Variants in DOCK10 observed in about 807,000 individuals in gnomAD.
The protein encoded by DOCK10 is dedicator of cytokinesis protein 10.
A neutral mutation model predicts 280.1 loss-of-function variants in DOCK10; 145 were observed. That is an observed-to-expected ratio of 0.52 (90% CI 0.45 to 0.59). DOCK10 has a LOEUF of 0.59. Ranked by LOEUF, DOCK10 falls within the 20% of genes least tolerant of loss-of-function variation. The pLI is 0.00. For missense variants in DOCK10, 2,368 were observed against 2,651.7 expected (o/e 0.89, Z 2.35); for synonymous variants, 915 against 942.2 (o/e 0.97, Z 0.53).
intron 29 of DOCK10, among the ~76,000 whole-genome samples, chr2:224,818,554 C>T (rs1161186859): frequency 2.0e-5 from 3 of 152,118 alleles, no homozygotes; most frequent in South Asian, 2.1e-4. Flanking sequence ...CCCGCAACCA[C>T]GCCCGGCTAA....
chr2:224,932,087 A>G (rs1206332122), intron 1 of DOCK10, among the ~76,000 whole-genome samples: 3 of 152,194 alleles, frequency 2.0e-5, no homozygotes, highest in Non-Finnish European at 4.4e-5. Flanking sequence ...GGGTCTATTT[A>G]AAAATGTTGG....
In DOCK10 at chr2:224,805,370, C is replaced by T; in HGVS notation, c.3936+38G>A. On this transcript the variant is annotated intron_variant, in intron 35 of 55. Transcript: ENST00000258390. The surrounding 1 kb of genome is among the most constrained non-coding windows in gnomAD (Gnocchi z 4.3). ...ATTGAGTGAGAGTGAGTGACCTCTGCCTTGTAATGATCAGTAGGTTTGAGA... is the reference window on the plus strand; with the variant it reads ...ATTGAGTGAGAGTGAGTGACCTCTGTCTTGTAATGATCAGTAGGTTTGAGA... 6.2e-7 allele frequency: 1 copy of T among 1,612,688 alleles called. No homozygotes were observed. Among genetic ancestry groups the T allele is most frequent in the Non-Finnish European group, 8.5e-7 (1 of 1,179,180 alleles).
At chr2:225,020,351 A>G (rs189531806) in intron 1 of DOCK10, among the ~76,000 whole-genome samples, 1 of 152,244 alleles carries the variant, frequency 6.6e-6, no homozygotes, top group Non-Finnish European at 1.5e-5. Flanking sequence ...CACAGCAAAG[A>G]CTAGCATAAA....
chr2:225,029,442 G>T (rs1690016168), intron 1 of DOCK10, among the ~76,000 whole-genome samples: 1 of 152,146 alleles, frequency 6.6e-6, no homozygotes, highest in Non-Finnish European at 1.5e-5. Flanking sequence ...ATAGTGCTGG[G>T]ATTACAGGCA....
intron 40 of DOCK10, among the ~76,000 whole-genome samples, chr2:224,801,264 G>T (rs2125174477): frequency 7.3e-6 from 1 of 136,166 alleles, no homozygotes; most frequent in African/African-American, 3.0e-5. Context: ...AACTCTGCAG[G>T]GCTGTTTCAA....
At position 224,957,290 on chromosome 2, in the gene DOCK10, C is replaced by A. The variant is rs999828583; in HGVS notation, c.124-25622G>T. On this transcript the variant is annotated intron_variant, in intron 1 of 55. Coordinates refer to ENST00000258390, the MANE Select transcript of DOCK10 (RefSeq NM_014689.3). Reference sequence around the variant, plus strand: ...GTATTTAGTTTTTACTTTCCGCCCCCCCCCGGCTTTGTTTTTCGGAGATGG... The same window carrying A: ...GTATTTAGTTTTTACTTTCCGCCCCACCCCGGCTTTGTTTTTCGGAGATGG... 2.7e-5 allele frequency among the ~76,000 whole-genome samples: 4 copies of A among 146,602 alleles called. 1 individual carries two copies. The highest frequency in any genetic ancestry group is 6.0e-5 in the Non-Finnish European group (4 of 66,574).
chr2:225,007,954 AT>A (rs374648860), intron 1 of DOCK10, among the ~76,000 whole-genome samples: 6,078 of 149,318 alleles, frequency 0.041, 221 homozygotes, highest in African/African-American at 0.099. Flanking sequence ...CTATCATCTA[AT>A]TTTTTTTTTT....
Position 224,770,241 on chromosome 2 carries a change from G to T in DOCK10, c.6414C>A (p.Leu2138=). The T allele has an allele frequency of 6.2e-7, 1 of 1,601,124 alleles. No individual in the cohort carries two copies. Among genetic ancestry groups the T allele is most frequent in the Non-Finnish European group, 8.5e-7 (1 of 1,173,958 alleles). ...CATTCATGACTGTGGAGAGTTCGCT[G>T]AGCATGTCCTTGTAGTGGGACCTCA... ...EELRSHYKDM[L]SELSTVMNEQ... The change falls in exon 55 of 56, where the codon CTC becomes CTA. Residue 2138 remains leucine (L), a synonymous_variant. Transcript: ENST00000258390. This position sits in a 1 kb window ranked among gnomAD's most constrained non-coding sequence, Gnocchi z 4.5.
intron 1 of DOCK10, among the ~76,000 whole-genome samples, chr2:225,006,476 T>G (rs1001529772): frequency 6.6e-6 from 1 of 152,206 alleles, no homozygotes; most frequent in Non-Finnish European, 1.5e-5. Context: ...TTTTAGCCCC[T>G]GCCACTTTTT....
chr2:224,947,022 G>A (rs989617285), intron 1 of DOCK10: 75 of 1,464,848 alleles, frequency 5.1e-5, no homozygotes, highest in Admixed American at 1.3e-4. Flanking sequence ...CTTCTGAAGC[G>A]TCACCAGGCT....
chr2:225,027,705 A>G (rs1413206743), intron 1 of DOCK10, among the ~76,000 whole-genome samples: 1 of 152,136 alleles, frequency 6.6e-6, no homozygotes, highest in Non-Finnish European at 1.5e-5. Flanking sequence ...TCTCCCCAGA[A>G]GCAGATGCCA....
At chr2:224,905,617 G>A (rs1700576505) in intron 3 of DOCK10, among the ~76,000 whole-genome samples, 1 of 152,160 alleles carries the variant, frequency 6.6e-6, no homozygotes, top group South Asian at 2.1e-4. Context: ...TTTTTATTGG[G>A]TTTATTCCTG....
At chr2:225,010,088 CCA>C (rs1689392057) in intron 1 of DOCK10, among the ~76,000 whole-genome samples, 1 of 152,108 alleles carries the variant, frequency 6.6e-6, no homozygotes, top group African/African-American at 2.4e-5. Flanking sequence ...AGCTGCAGGT[CCA>C]CTAGGCAGTT....
At chr2:225,028,161 A>G (rs1689968324) in intron 1 of DOCK10, among the ~76,000 whole-genome samples, 1 of 152,106 alleles carries the variant, frequency 6.6e-6, no homozygotes, top group South Asian at 2.1e-4. Context: ...CAGATGGGAG[A>G]TTGTCCTGGA....
At chr2:225,039,859 A>G (rs563668026) in intron 1 of DOCK10, among the ~76,000 whole-genome samples, 2 of 152,346 alleles carry the variant, frequency 1.3e-5, no homozygotes, top group African/African-American at 4.8e-5. Flanking sequence ...CAGGGATTTC[A>G]GAAAGGGGAA....
intron 1 of DOCK10, among the ~76,000 whole-genome samples, chr2:225,017,851 T>G (rs893719245): frequency 1.3e-5 from 2 of 152,240 alleles, no homozygotes; most frequent in African/African-American, 2.4e-5. Flanking sequence ...TTGTGTTGAC[T>G]GAGTTATCCA....
intron 1 of DOCK10, among the ~76,000 whole-genome samples, chr2:224,999,508 T>TTC (rs1706368782): frequency 7.1e-6 from 1 of 141,162 alleles, no homozygotes; most frequent in African/African-American, 2.6e-5. Flanking sequence ...CCTCCCTCCC[T>TTC]CTCTCCCCTC....
chr2:224,858,918 T>G (rs953922629), intron 14 of DOCK10, among the ~76,000 whole-genome samples: 8 of 152,186 alleles, frequency 5.3e-5, no homozygotes, highest in Admixed American at 6.5e-5. Context: ...CCCCGATAGA[T>G]TCATTCACAA....
intron 3 of DOCK10, among the ~76,000 whole-genome samples, chr2:224,915,936 G>A (rs1701285343): frequency 6.6e-6 from 1 of 152,266 alleles, no homozygotes; most frequent in Non-Finnish European, 1.5e-5. Context: ...AGTCCCTGAT[G>A]TAGTTTGGCT....
Sources: allele counts gnomAD v4.1 joint callset (sites outside exome capture counted in the v4.1 genomes callset), GRCh38; gene constraint gnomAD v4.1.1; non-coding constraint Gnocchi (gnomAD v3.1); transcripts MANE v1.5; gene names NCBI Gene and HGNC (gene_info 2026-07-23, HGNC 2026-07-21).